NBEA: variants seen among roughly 807,000 people sequenced by gnomAD.
NBEA encodes the protein neurobeachin, also known as lysosomal-trafficking regulator 2.
A neutral mutation model predicts 343.4 loss-of-function variants in NBEA; 44 were observed. The ratio of observed to expected loss-of-function variants is 0.13; its 90% CI spans 0.10 to 0.16. The LOEUF (loss-of-function observed/expected upper bound fraction) is 0.16. Ranked by LOEUF, NBEA falls within the 10% of genes least tolerant of loss-of-function variation. The pLI, the probability that NBEA is intolerant of heterozygous loss-of-function variation, is 1.00. For synonymous variants in NBEA, 1,175 were observed against 1,238.7 expected, an observed-to-expected ratio of 0.95 and a Z score of 1.08; for missense variants, 2,555 against 3,631.3, an observed-to-expected ratio of 0.70 and a Z score of 7.62.
intron 34 of NBEA, among the ~76,000 whole-genome samples, chr13:35,259,182 G>C (rs1030091625): frequency 5.3e-5 from 8 of 152,062 alleles, no homozygotes; most frequent in African/African-American, 1.9e-4. Context: ...CTGAATACCT[G>C]TTCTTGAAAC....
intron 11 of NBEA, among the ~76,000 whole-genome samples, 152 bp downstream of exon 11, chr13:35,098,557 C>A (rs2065454535): frequency 6.6e-6 from 1 of 151,872 alleles, no homozygotes; most frequent in South Asian, 2.1e-4. Flanking sequence ...TAAGTGTAGA[C>A]ATGGAATTAA....
intron 41 of NBEA, among the ~76,000 whole-genome samples, chr13:35,479,387 C>G (rs1165564698): frequency 6.6e-6 from 1 of 152,130 alleles, no homozygotes; most frequent in Non-Finnish European, 1.5e-5. Flanking sequence ...AATGAATTGC[C>G]TTCTGTAGCT....
chr13:35,362,566 T>C (rs1358416469), intron 38 of NBEA, among the ~76,000 whole-genome samples: 1 of 151,974 alleles, frequency 6.6e-6, no homozygotes, highest in Admixed American at 6.6e-5. Flanking sequence ...AGTCTACCAA[T>C]TGTGATCTCA....
intron 16 of NBEA, among the ~76,000 whole-genome samples, chr13:35,122,686 T>C (rs1386454180): frequency 6.6e-6 from 1 of 152,086 alleles, no homozygotes; most frequent in Non-Finnish European, 1.5e-5. Context: ...AACCTGCACG[T>C]TGTACACATG....
intron 45 of NBEA, among the ~76,000 whole-genome samples, chr13:35,567,561 C>T (rs1260787237): frequency 2.0e-5 from 3 of 152,166 alleles, no homozygotes; most frequent in African/African-American, 7.2e-5. Context: ...GAGGAAACTA[C>T]AGTGTGATAC....
At chr13:35,295,356 T>G (rs1398462337) in intron 35 of NBEA, among the ~76,000 whole-genome samples, 1 of 151,854 alleles carries the variant, frequency 6.6e-6, no homozygotes, top group Non-Finnish European at 1.5e-5. Flanking sequence ...AAGAGCCACT[T>G]TTTCATTTTC....
chr13:35,247,135 T>C (rs965403629), intron 34 of NBEA, among the ~76,000 whole-genome samples: 5 of 152,090 alleles, frequency 3.3e-5, no homozygotes, highest in Non-Finnish European at 7.4e-5. Flanking sequence ...ATTCCAACCA[T>C]GCCTCTCCCA....
rs1450052069 is a variant in NBEA at position 35,360,064 on chromosome 13, TGTC to T, written c.6179+7742_6179+7744del. On this transcript the variant is annotated intron_variant, in intron 38 of 58. Coordinates refer to ENST00000379939, the MANE Select transcript of NBEA (RefSeq NM_001385012.1). Reference sequence around the variant, plus strand: ...AAATGTGAGATTCATAGAGATCAAATGTCTTGCCCTGTATTACACAGCTAAGTA... The same window carrying T: ...AAATGTGAGATTCATAGAGATCAAATTTGCCCTGTATTACACAGCTAAGTA... 1.1e-4 allele frequency among the ~76,000 whole-genome samples: 17 copies of T among 152,154 alleles called. No homozygotes were observed. In the East Asian group the frequency reaches 3.3e-3, roughly 29 times the overall value.
intron 44 of NBEA, among the ~76,000 whole-genome samples, chr13:35,562,882 T>C (rs1353507525): frequency 6.6e-6 from 1 of 152,050 alleles, no homozygotes; most frequent in African/African-American, 2.4e-5. Flanking sequence ...ATAATTTCTT[T>C]GTCAGCTGTC....
chr13:35,016,447 G>A (rs1051480297), intron 1 of NBEA, among the ~76,000 whole-genome samples: 16 of 152,216 alleles, frequency 1.1e-4, no homozygotes, highest in African/African-American at 3.9e-4. Context: ...CAACTCATTT[G>A]TTGAGTCCCG....
intron 8 of NBEA, among the ~76,000 whole-genome samples, chr13:35,065,962 G>T (rs891294387): frequency 6.6e-6 from 1 of 151,936 alleles, no homozygotes. Flanking sequence ...TGTTTCGTGT[G>T]TACATTTTTT....
intron 38 of NBEA, among the ~76,000 whole-genome samples, chr13:35,372,779 TTGGCAGCAGCCAACAGCA>T (rs1205944294): frequency 2.0e-5 from 3 of 152,060 alleles, no homozygotes; most frequent in Admixed American, 6.5e-5. Flanking sequence ...TTCAACTCTG[TTGGCAGCAGCCAACAGCA>T]TGGCAGCTGT....
intron 17 of NBEA, among the ~76,000 whole-genome samples, chr13:35,125,025 A>G (rs1225620295): frequency 6.6e-6 from 1 of 152,186 alleles, no homozygotes; most frequent in Non-Finnish European, 1.5e-5. Flanking sequence ...CACATTAAAA[A>G]ATTTACGAAA....
chr13:35,424,731 C>T (rs1457524769), intron 38 of NBEA, among the ~76,000 whole-genome samples: 3 of 152,122 alleles, frequency 2.0e-5, no homozygotes, highest in Admixed American at 6.6e-5. Flanking sequence ...ATGGTACCAG[C>T]TCCTCCTTGT....
chr13:35,285,643 T>G (rs551030014), intron 34 of NBEA, among the ~76,000 whole-genome samples: 1 of 152,300 alleles, frequency 6.6e-6, no homozygotes, highest in Non-Finnish European at 1.5e-5. Context: ...ACAGAATGCC[T>G]TGAGTCTGTC....
intron 34 of NBEA, among the ~76,000 whole-genome samples, chr13:35,257,782 CA>C (rs1180563007): frequency 3.9e-5 from 6 of 152,076 alleles, no homozygotes; most frequent in African/African-American, 1.4e-4. Context: ...CCTGTGCAAA[CA>C]AAAATTGGTA....
intron 36 of NBEA, among the ~76,000 whole-genome samples, chr13:35,315,640 C>G (rs151109498): frequency 5.8e-4 from 88 of 152,100 alleles, no homozygotes; most frequent in African/African-American, 2.0e-3. Flanking sequence ...CAGAAAAGAA[C>G]AGATAATATT....
At chr13:35,247,665 C>G (rs947535576) in intron 34 of NBEA, among the ~76,000 whole-genome samples, 3 of 152,116 alleles carry the variant, frequency 2.0e-5, no homozygotes, top group African/African-American at 7.2e-5. Flanking sequence ...GAGCAATCCA[C>G]TTCCTTCAAA....
chr13:35,117,621 T>G (rs2066565163), intron 14 of NBEA, 128 bp downstream of exon 14: 1 of 353,694 alleles, frequency 2.8e-6, no homozygotes, highest in South Asian at 1.2e-4. Context: ...ATTCTCCACA[T>G]CTTAGTATTC....
Sources: gnomAD v4.1 joint callset for allele counts (sites outside exome capture counted in the v4.1 genomes callset) on GRCh38, gnomAD v4.1.1 for gene constraint, MANE v1.5 for transcripts, NCBI Gene and HGNC (gene_info 2026-07-23, HGNC 2026-07-21) for gene names.